Variants in SIPA1L3 observed in about 807,000 individuals in gnomAD.
SIPA1L3 encodes the protein signal-induced proliferation-associated 1-like protein 3.
Under a neutral mutation model 150.1 loss-of-function variants are expected in SIPA1L3, and 59 were observed. The ratio of observed to expected loss-of-function variants is 0.39; its 90% confidence interval spans 0.32 to 0.49. The LOEUF is 0.49. SIPA1L3 is among the 20% of genes least tolerant of loss of function. The probability of loss-of-function intolerance (pLI) is 0.86; values close to 1 mark genes in which losing one functional copy is unlikely to be tolerated. For missense variants in SIPA1L3, 2,211 were observed against 2,489.5 expected (o/e 0.89, Z 2.38); for synonymous variants, 1,070 against 1,077.6 (o/e 0.99, Z 0.14).
chr19:38,102,190 G>A (rs1031921356), intron 6 of SIPA1L3, among the ~76,000 whole-genome samples: 4 of 151,752 alleles, frequency 2.6e-5, no homozygotes, highest in Non-Finnish European at 5.9e-5. Flanking sequence ...GGGATTACAG[G>A]CATGAGCCAT....
intron 1 of SIPA1L3, among the ~76,000 whole-genome samples, chr19:38,021,779 C>T (rs1266145510): frequency 6.6e-6 from 1 of 152,168 alleles, no homozygotes; most frequent in Non-Finnish European, 1.5e-5. Flanking sequence ...CTCCTGGGCT[C>T]AAGCAATCTG....
intron 1 of SIPA1L3, among the ~76,000 whole-genome samples, chr19:37,947,813 AG>A (rs2046726168): frequency 6.6e-6 from 1 of 152,212 alleles, no homozygotes; most frequent in South Asian, 2.1e-4. Context: ...ATATGTTTTC[AG>A]CAGTTTTTCC....
At chr19:38,042,545 G>A (rs911446729) in intron 2 of SIPA1L3, among the ~76,000 whole-genome samples, 21 of 152,280 alleles carry the variant, frequency 1.4e-4, no homozygotes, top group African/African-American at 5.1e-4. Context: ...TATAGTATAT[G>A]CCTCCCTTTT....
chr19:38,063,902 C>T (rs187453636), intron 2 of SIPA1L3, among the ~76,000 whole-genome samples: 4 of 152,342 alleles, frequency 2.6e-5, no homozygotes, highest in East Asian at 3.9e-4. Context: ...TGGCTGGAGC[C>T]GGGGAGATCC....
chr19:38,098,676 A>G (rs1970434361), intron 4 of SIPA1L3, among the ~76,000 whole-genome samples: 1 of 151,980 alleles, frequency 6.6e-6, no homozygotes, highest in African/African-American at 2.4e-5. Flanking sequence ...TCCTTTTATT[A>G]GAGGGAAATC....
chr19:38,175,185 G>A (rs1265834482), intron 15 of SIPA1L3, among the ~76,000 whole-genome samples: 2 of 151,962 alleles, frequency 1.3e-5, no homozygotes, highest in Non-Finnish European at 2.9e-5. Context: ...GGGTTGCTAC[G>A]GCGGCTAAGT....
chr19:38,090,096 G>A (rs1303938491), intron 4 of SIPA1L3, among the ~76,000 whole-genome samples: 2 of 151,960 alleles, frequency 1.3e-5, no homozygotes, highest in Non-Finnish European at 2.9e-5. Context: ...TTGGGAGGCC[G>A]AGGCAGGCAG....
intron 16 of SIPA1L3, among the ~76,000 whole-genome samples, chr19:38,184,073 T>G (rs1354486484): frequency 1.3e-5 from 2 of 152,174 alleles, no homozygotes; most frequent in Non-Finnish European, 2.9e-5. Flanking sequence ...GAGCTAACAT[T>G]GCCTGAGCAC....
chr19:37,937,741 CAA>C lies in SIPA1L3; in HGVS notation c.-379+30405_-379+30406del, dbSNP rs34881450. 2.7e-3 allele frequency among the ~76,000 whole-genome samples: 51 copies of C among 18,674 alleles called. 3 individuals are homozygous for C. The highest frequency in any genetic ancestry group is 0.021 in the Admixed American group (29 of 1,352). The allele number at this position is 18,674 out of a possible 152,430, so 12.3% of individuals were successfully genotyped here. On this transcript the variant is annotated intron_variant, in intron 1 of 21. Transcript: ENST00000222345. ...AGGGCGACAGAGTGAAACCCTGTCT[CAA>C]AAAAAAAAAAAAAAAAAAAAAGACC...
chr19:38,058,674 G>A (rs1351590830), intron 2 of SIPA1L3, among the ~76,000 whole-genome samples: 1 of 152,136 alleles, frequency 6.6e-6, no homozygotes, highest in Non-Finnish European at 1.5e-5. Context: ...GAGTGACTGG[G>A]GTGGCACAGA....
intron 2 of SIPA1L3, among the ~76,000 whole-genome samples, chr19:38,030,575 G>A (rs911000543): frequency 7.1e-6 from 1 of 141,118 alleles, no homozygotes; most frequent in South Asian, 2.3e-4. Context: ...CACATGTATG[G>A]CATGGGTAAT....
chr19:38,169,607 C>T (rs1217200331), intron 15 of SIPA1L3, among the ~76,000 whole-genome samples: 1 of 152,210 alleles, frequency 6.6e-6, no homozygotes, highest in African/African-American at 2.4e-5. Context: ...AGTGCTTTGA[C>T]TTGAAGACTG....
intron 18 of SIPA1L3, among the ~76,000 whole-genome samples, chr19:38,197,541 T>A (rs1343022429): frequency 6.6e-6 from 1 of 151,754 alleles, no homozygotes; most frequent in African/African-American, 2.4e-5. Context: ...CAATCACAGG[T>A]GCAGCTGGGA....
intron 2 of SIPA1L3, among the ~76,000 whole-genome samples, chr19:38,037,121 T>C (rs2037259679): frequency 1.3e-5 from 2 of 152,210 alleles, no homozygotes; most frequent in African/African-American, 4.8e-5. Flanking sequence ...TCCCCCTGCC[T>C]TCCTGGAGCT....
At chr19:38,190,871 A>G (rs1159113753) in intron 16 of SIPA1L3, among the ~76,000 whole-genome samples, 1 of 152,192 alleles carries the variant, frequency 6.6e-6, no homozygotes, top group Non-Finnish European at 1.5e-5. Context: ...GCATATTTTT[A>G]AATCCAATGT....
chr19:38,174,241 G>A (rs10408837), intron 15 of SIPA1L3, among the ~76,000 whole-genome samples: 2,529 of 152,230 alleles, frequency 0.017, 72 homozygotes, highest in African/African-American at 0.058. Flanking sequence ...AAGACCCGTC[G>A]CTTCTGCCCC....
intron 18 of SIPA1L3, among the ~76,000 whole-genome samples, chr19:38,196,673 G>A (rs989190663): frequency 1.3e-4 from 20 of 151,806 alleles, no homozygotes; most frequent in Non-Finnish European, 1.8e-4. Flanking sequence ...GAGGCCAAGG[G>A]TGGAGCGTGG....
intron 2 of SIPA1L3, among the ~76,000 whole-genome samples, chr19:38,062,003 T>G (rs1401123772): frequency 6.6e-6 from 1 of 151,896 alleles, no homozygotes; most frequent in African/African-American, 2.4e-5. Flanking sequence ...GTTGGATTGC[T>G]GCTCCCCACC....
intron 8 of SIPA1L3, among the ~76,000 whole-genome samples, chr19:38,111,665 T>C (rs1414555640): frequency 6.6e-6 from 1 of 152,220 alleles, no homozygotes; most frequent in Non-Finnish European, 1.5e-5. Context: ...CTAGCACCTC[T>C]GTGCTGCACA....
Sources: gnomAD v4.1 joint callset for allele counts (sites outside exome capture counted in the v4.1 genomes callset) on GRCh38, gnomAD v4.1.1 for gene constraint, MANE v1.5 for transcripts, NCBI Gene and HGNC (gene_info 2026-07-23, HGNC 2026-07-21) for gene names.